The following MEF2A variants were observed in gnomAD, a reference collection of about 807,000 sequenced individuals.
MEF2A encodes the protein myocyte-specific enhancer factor 2A.
A neutral mutation model predicts 55.8 loss-of-function variants in MEF2A; 28 were observed. The ratio of observed to expected loss-of-function variants is 0.50; its 90% CI spans 0.37 to 0.69. MEF2A has a LOEUF of 0.69. MEF2A is among the 30% of genes least tolerant of loss of function. The pLI is 0.00. For synonymous variants in MEF2A, 239 were observed against 227.1 expected (o/e 1.05, Z -0.47); for missense variants, 528 against 626.2 (o/e 0.84, Z 1.67).
chr15:99,641,443 G>T (rs1228046448), intron 3 of MEF2A, among the ~76,000 whole-genome samples: 1 of 152,118 alleles, frequency 6.6e-6, no homozygotes, highest in Non-Finnish European at 1.5e-5. Context: ...TGTCTTCTCG[G>T]CCGGGCGCGT....
At position 99,703,683 on chromosome 15, in the gene MEF2A, C is replaced by G. The variant is rs1383526103; in HGVS notation, c.882+298C>G. Reference sequence around the variant, plus strand: ...TTTTTTTAAGGAAAGATACAAAATACCTTATATAGCTCTCCAAATTATTGA... The same window carrying G: ...TTTTTTTAAGGAAAGATACAAAATAGCTTATATAGCTCTCCAAATTATTGA... On this transcript the variant is annotated intron_variant, in intron 9 of 11. Coordinates refer to ENST00000557942, the MANE Select transcript of MEF2A (RefSeq NM_001319206.4). 4.6e-5 allele frequency among the ~76,000 whole-genome samples: 7 copies of G among 152,074 alleles called. No homozygotes were observed. The East Asian group carries it at 1.2e-3, about 25-fold the overall frequency.
intron 3 of MEF2A, 146 bp downstream of exon 3, chr15:99,633,319 A>G (rs1450676049): frequency 1.8e-6 from 1 of 544,768 alleles, no homozygotes; most frequent in Admixed American, 3.9e-5. Context: ...TAACAATCAT[A>G]AAATTGTATC....
At chr15:99,659,688 C>G (rs1242167335) in intron 4 of MEF2A, among the ~76,000 whole-genome samples, 2 of 152,094 alleles carry the variant, frequency 1.3e-5, no homozygotes, top group African/African-American at 4.8e-5. Context: ...ACTTGGATCT[C>G]TGGATCTCTT....
chr15:99,707,313 T>C (rs538631295), intron 10 of MEF2A, among the ~76,000 whole-genome samples: 2 of 152,124 alleles, frequency 1.3e-5, no homozygotes, highest in African/African-American at 4.8e-5. Context: ...GTGGCCGACG[T>C]TTGGCTGTGT....
chr15:99,634,142 G>A (rs941606172), intron 3 of MEF2A, among the ~76,000 whole-genome samples: 2 of 152,176 alleles, frequency 1.3e-5, no homozygotes, highest in African/African-American at 4.8e-5. Context: ...GGAACAGAAC[G>A]AAACTGAAGA....
chr15:99,710,591 G>A, intron 10 of MEF2A, 43 bp from the exon 11 acceptor site: 4 of 1,587,592 alleles, frequency 2.5e-6, no homozygotes, highest in Non-Finnish European at 3.5e-6. Flanking sequence ...GATTCCGTAT[G>A]GACCTTCCAT....
At chr15:99,673,726 A>G (rs2051329938) in intron 5 of MEF2A, among the ~76,000 whole-genome samples, 1 of 152,178 alleles carries the variant, frequency 6.6e-6, no homozygotes, top group African/African-American at 2.4e-5. Flanking sequence ...TTTAATCTTT[A>G]TACAATTTAA....
chr15:99,578,249 T>A (rs1479533578), intron 1 of MEF2A, among the ~76,000 whole-genome samples: 1 of 152,228 alleles, frequency 6.6e-6, no homozygotes, highest in East Asian at 1.9e-4. Flanking sequence ...GTGTCCCTTC[T>A]CCCTCGTTTA....
chr15:99,599,343 C>T (rs1972242057), intron 2 of MEF2A, among the ~76,000 whole-genome samples: 1 of 151,962 alleles, frequency 6.6e-6, no homozygotes, highest in Non-Finnish European at 1.5e-5. Context: ...TATCATTGAT[C>T]CAGGCTGATG....
chr15:99,628,151 G>C (rs2042338077), intron 2 of MEF2A, among the ~76,000 whole-genome samples: 1 of 152,038 alleles, frequency 6.6e-6, no homozygotes, highest in African/African-American at 2.4e-5. Flanking sequence ...ATGTCTTCCT[G>C]GTGAATTGAA....
At chr15:99,665,825 C>T (rs2049564990) in intron 4 of MEF2A, among the ~76,000 whole-genome samples, 1 of 138,914 alleles carries the variant, frequency 7.2e-6, no homozygotes, top group Admixed American at 7.2e-5. Flanking sequence ...AGCCAACAAA[C>T]ATATGAAAAA....
chr15:99,601,302 T>G (rs1374015754), intron 2 of MEF2A, among the ~76,000 whole-genome samples: 2 of 152,202 alleles, frequency 1.3e-5, no homozygotes, highest in East Asian at 3.8e-4. Flanking sequence ...CTTCAAATCA[T>G]CTGTGTAGAT....
chr15:99,678,260 T>C (rs550687008), intron 7 of MEF2A, among the ~76,000 whole-genome samples: 2 of 152,352 alleles, frequency 1.3e-5, no homozygotes, highest in East Asian at 3.9e-4. Flanking sequence ...CAGATTGTTT[T>C]GTTACCAGAG....
intron 2 of MEF2A, among the ~76,000 whole-genome samples, chr15:99,618,287 A>G (rs1478724804): frequency 2.0e-5 from 3 of 152,174 alleles, no homozygotes; most frequent in Non-Finnish European, 4.4e-5. Context: ...ATTCTGTATA[A>G]TGACTGGCTT....
intron 9 of MEF2A, among the ~76,000 whole-genome samples, chr15:99,704,840 T>C (rs969952578): frequency 2.2e-4 from 34 of 152,214 alleles, no homozygotes; most frequent in African/African-American, 7.2e-4. Context: ...TTTATAAACT[T>C]GATGCTGAGA....
At chr15:99,664,100 G>C in intron 4 of MEF2A, among the ~76,000 whole-genome samples, 1 of 152,134 alleles carries the variant, frequency 6.6e-6, no homozygotes, top group East Asian at 1.9e-4. Context: ...TCACTTCTAG[G>C]TTTGAGACTC....
intron 3 of MEF2A, among the ~76,000 whole-genome samples, chr15:99,635,301 C>T (rs1017352150): frequency 5.3e-5 from 8 of 152,130 alleles, no homozygotes; most frequent in African/African-American, 1.9e-4. Flanking sequence ...ATAAAAATCA[C>T]ACTTCATTAT....
At chr15:99,573,415 T>G (rs543596771) in intron 1 of MEF2A, among the ~76,000 whole-genome samples, 3 of 152,368 alleles carry the variant, frequency 2.0e-5, no homozygotes, top group African/African-American at 7.2e-5. Flanking sequence ...TTTATGTGTT[T>G]TCTATTAACA....
chr15:99,707,411 C>T lies in MEF2A; in HGVS notation c.1009+556C>T, dbSNP rs1032997630. Among the ~76,000 whole-genome samples, 8 of 152,216 alleles carry T rather than the reference C, an allele frequency of 5.3e-5. No individual in the cohort carries two copies. In the East Asian group the frequency reaches 1.5e-3, roughly 29 times the overall value. On this transcript the variant is annotated intron_variant, in intron 10 of 11. Transcript: ENST00000557942. ...CAAAACAAGGGCTGTTCTGATTTCT[C>T]CTCGGAGCCAGTCACTCTGCCTTTG... is the stretch of plus-strand genomic sequence containing the variant.
Sources: gnomAD v4.1 joint callset for allele counts (sites outside exome capture counted in the v4.1 genomes callset) on GRCh38, gnomAD v4.1.1 for gene constraint, MANE v1.5 for transcripts, NCBI Gene and HGNC (gene_info 2026-07-23, HGNC 2026-07-21) for gene names.